Variants in ANTXR2 observed in about 807,000 individuals in gnomAD.
ANTXR2 encodes the protein ANTXR cell adhesion molecule 2.
In ANTXR2, 44 loss-of-function variants were observed where a neutral mutation model predicts 73.7. That is an observed-to-expected ratio of 0.60 (90% CI 0.47 to 0.77). ANTXR2 has a LOEUF of 0.77. ANTXR2 is among the 30% of genes least tolerant of loss of function. The pLI, the probability that ANTXR2 is intolerant of heterozygous loss-of-function variation, is 0.00. For synonymous variants in ANTXR2, 217 were observed against 205.9 expected, an observed-to-expected ratio of 1.05 and a Z score of -0.46; for missense variants, 604 against 592.5, an observed-to-expected ratio of 1.02 and a Z score of -0.20.
intron 10 of ANTXR2, among the ~76,000 whole-genome samples, chr4:80,027,394 A>T (rs1732493231): frequency 6.6e-6 from 1 of 152,156 alleles, no homozygotes; most frequent in South Asian, 2.1e-4. Context: ...AGATTCTATT[A>T]TGAAGCCAGG....
At chr4:79,928,383 G>T (rs1350664839) in intron 16 of ANTXR2, among the ~76,000 whole-genome samples, 1 of 152,176 alleles carries the variant, frequency 6.6e-6, no homozygotes, top group Admixed American at 6.5e-5. Context: ...ATTGTTTAAT[G>T]GGTAGGGAGT....
intron 16 of ANTXR2, among the ~76,000 whole-genome samples, chr4:79,916,144 T>G (rs1381920329): frequency 6.6e-6 from 1 of 152,042 alleles, no homozygotes; most frequent in Non-Finnish European, 1.5e-5. Context: ...ATACATATGG[T>G]TAATATTTAT....
At chr4:79,934,437 G>A (rs1318744349) in intron 16 of ANTXR2, among the ~76,000 whole-genome samples, 1 of 151,872 alleles carries the variant, frequency 6.6e-6, no homozygotes, top group Non-Finnish European at 1.5e-5. Flanking sequence ...TGAGGCATGG[G>A]AATCGTTTGA....
chr4:80,044,153 G>C (rs991608199), intron 7 of ANTXR2, among the ~76,000 whole-genome samples: 2 of 151,896 alleles, frequency 1.3e-5, no homozygotes, highest in African/African-American at 4.8e-5. Flanking sequence ...ATAACTGACG[G>C]TAAAGACAAA....
intron 12 of ANTXR2, among the ~76,000 whole-genome samples, chr4:79,989,168 G>C (rs1204336782): frequency 1.3e-5 from 2 of 151,736 alleles, no homozygotes; most frequent in Non-Finnish European, 2.9e-5. Flanking sequence ...AGGAAACTGA[G>C]ATATGAAATC....
chr4:80,019,586 G>A lies in ANTXR2; in HGVS notation c.867-610C>T, dbSNP rs1732058351. Among the ~76,000 whole-genome samples, 3 of 152,280 alleles carry A rather than the reference G, an allele frequency of 2.0e-5. No homozygotes were observed. The South Asian group carries it at 6.2e-4, about 32-fold the overall frequency. ...CACAAAAACCTACAAAGAAAGAAAA[G>A]CTTTAGATCCCATTTAGCCTATTTC... On this transcript the variant is annotated intron_variant, in intron 10 of 16. Transcript: ENST00000403729.
At chr4:79,972,774 G>T (rs569792746) in intron 16 of ANTXR2, among the ~76,000 whole-genome samples, 1,274 of 10,998 alleles carry the variant, frequency 0.12, 88 homozygotes, top group Non-Finnish European at 0.27. Context: ...CTGTGGTGGG[G>T]TCGGGGGAGG....
chr4:80,024,625 G>C (rs1267204412), intron 10 of ANTXR2: 3 of 410,190 alleles, frequency 7.3e-6, no homozygotes, highest in African/African-American at 6.2e-5. Flanking sequence ...AGCAGGGTGT[G>C]GTGGTACATG....
intron 16 of ANTXR2, among the ~76,000 whole-genome samples, chr4:79,910,441 G>A (rs1282308537): frequency 4.0e-5 from 6 of 149,166 alleles, no homozygotes; most frequent in South Asian, 2.1e-4. Flanking sequence ...CCCGGGAGGC[G>A]GAGGTTGCAG....
Position 79,923,847 on chromosome 4 carries a change from G to A in ANTXR2, c.1429-16380C>T, listed in dbSNP as rs151164911. Reference sequence around the variant, plus strand: ...TTCACACAAGTGGCAGAGCACATGCGCTGTCTCTATGTGTGTTGATACAAC... The same window carrying A: ...TTCACACAAGTGGCAGAGCACATGCACTGTCTCTATGTGTGTTGATACAAC... On this transcript the variant is annotated intron_variant, in intron 16 of 16. Coordinates refer to ENST00000403729, the MANE Select transcript of ANTXR2 (RefSeq NM_058172.6). Among the ~76,000 whole-genome samples, 20 of 152,164 alleles carry A rather than the reference G, an allele frequency of 1.3e-4. 1 individual carries two copies. The Middle Eastern group carries it at 0.031, about 233-fold the overall frequency.
At chr4:79,982,233 T>G (rs931831338) in intron 14 of ANTXR2, among the ~76,000 whole-genome samples, 6 of 152,292 alleles carry the variant, frequency 3.9e-5, no homozygotes, top group African/African-American at 1.4e-4. Context: ...GGCATTAAGT[T>G]TATTATTCTG....
chr4:79,954,094 C>G (rs1728804888), intron 16 of ANTXR2, among the ~76,000 whole-genome samples: 1 of 152,076 alleles, frequency 6.6e-6, no homozygotes, highest in African/African-American at 2.4e-5. Flanking sequence ...TTTCAATAAC[C>G]TATTTAAAGT....
chr4:80,029,752 C>A (rs758573708), intron 10 of ANTXR2, among the ~76,000 whole-genome samples: 41 of 151,598 alleles, frequency 2.7e-4, no homozygotes, highest in Non-Finnish European at 5.2e-4. Flanking sequence ...ACATACAGTT[C>A]TACATCAGGG....
In ANTXR2 at chr4:80,072,764, A is replaced by C. The variant is rs2110129641; in HGVS notation, c.-204T>G. On this transcript the variant is annotated 5_prime_UTR_variant, in exon 1 of 17. Transcript: ENST00000403729. ...TGAGAGGACAAAGGGAGTCTCCGCC[A>C]CCGCCGCAGCTGCCGCCGGAACTCT... is the stretch of plus-strand genomic sequence containing the variant. 1 of 1,255,358 alleles carries C rather than the reference A, an allele frequency of 8.0e-7. No homozygotes were observed. The highest frequency in any genetic ancestry group is 2.7e-5 in the South Asian group (1 of 37,140). 77.8% of individuals were successfully genotyped at this position (1,255,358 alleles called of 1,614,324 possible).
chr4:80,027,538 A>G (rs1271993923), intron 10 of ANTXR2, among the ~76,000 whole-genome samples: 1 of 152,152 alleles, frequency 6.6e-6, no homozygotes, highest in Non-Finnish European at 1.5e-5. Context: ...CTGCCTTTTA[A>G]GAGAACTAAT....
chr4:79,977,805 C>T (rs1729704863), intron 15 of ANTXR2, 104 bp from the exon 16 acceptor site: 11 of 1,282,074 alleles, frequency 8.6e-6, no homozygotes, highest in South Asian at 1.4e-5. Flanking sequence ...TCTTTACCCT[C>T]ATTTCTTTCA....
intron 16 of ANTXR2, among the ~76,000 whole-genome samples, chr4:79,929,604 A>C (rs4234847): frequency 0.81 from 123,456 of 152,066 alleles, 50,451 homozygotes; most frequent in East Asian, 1. Flanking sequence ...CTTAATGTTG[A>C]TGCAAGGACA....
chr4:80,014,583 A>T (rs891273208), intron 11 of ANTXR2, among the ~76,000 whole-genome samples: 10 of 151,798 alleles, frequency 6.6e-5, no homozygotes, highest in African/African-American at 1.9e-4. Context: ...TATATATATA[A>T]ATAAATAAAT....
chr4:80,015,969 AAAGGAAAGGAAAGGAAAG>A lies in ANTXR2; in HGVS notation c.945+2911_945+2928del, dbSNP rs1327248463. Among the ~76,000 whole-genome samples the A allele has an allele frequency of 4.5e-4, 65 of 144,508 alleles. 12 individuals carry two copies. The East Asian group carries it at 8.6e-3, about 19-fold the overall frequency. 94.8% of individuals were successfully genotyped at this position (144,508 alleles called of 152,430 possible). On this transcript the variant is annotated intron_variant, in intron 11 of 16. Coordinates refer to ENST00000403729, the MANE Select transcript of ANTXR2 (RefSeq NM_058172.6). ...AAAGGAAAGGAAAGGAAAGGAAAGGAAAGGAAAGGAAAGGAAAGGAAAGGAAAGGAAAGGAGGGAGAGG... is the reference window on the plus strand; with the variant it reads ...AAAGGAAAGGAAAGGAAAGGAAAGGAGAAAGGAAAGGAAAGGAGGGAGAGG...
Sources: gnomAD v4.1 joint callset for allele counts (sites outside exome capture counted in the v4.1 genomes callset) on GRCh38, gnomAD v4.1.1 for gene constraint, MANE v1.5 for transcripts, NCBI Gene and HGNC (gene_info 2026-07-23, HGNC 2026-07-21) for gene names.